PTPRO: variants seen among roughly 807,000 people sequenced by gnomAD.
PTPRO encodes protein tyrosine phosphatase receptor type O.
A neutral mutation model predicts 145.2 loss-of-function variants in PTPRO; 62 were observed. The ratio of observed to expected loss-of-function variants is 0.43; its 90% CI spans 0.35 to 0.53. PTPRO has a LOEUF of 0.53. Among genes scored for constraint, PTPRO ranks in the 20% least tolerant of loss-of-function variants. The pLI is 0.01. For synonymous variants in PTPRO, 565 were observed against 514.7 expected (o/e 1.10, Z -1.32); for missense variants, 1,345 against 1,482.7 (o/e 0.91, Z 1.53).
intron 1 of PTPRO, among the ~76,000 whole-genome samples, chr12:15,391,862 G>C (rs1939197353): frequency 1.3e-5 from 2 of 152,204 alleles, no homozygotes; most frequent in Admixed American, 1.3e-4. Flanking sequence ...AGTGAGATGA[G>C]CCAATTCTAC....
At chr12:15,521,137 A>G in intron 10 of PTPRO, among the ~76,000 whole-genome samples, 1 of 152,202 alleles carries the variant, frequency 6.6e-6, no homozygotes, top group African/African-American at 2.4e-5. Flanking sequence ...TTGTCCTGAG[A>G]AAACAGAGGA....
At chr12:15,492,022 G>T (rs1038390637) in intron 2 of PTPRO, among the ~76,000 whole-genome samples, 1 of 152,098 alleles carries the variant, frequency 6.6e-6, no homozygotes, top group South Asian at 2.1e-4. Context: ...TTACTACCGA[G>T]GTCCAAGGCT....
chr12:15,490,179 G>T (rs1349776499), intron 2 of PTPRO, among the ~76,000 whole-genome samples: 2 of 152,218 alleles, frequency 1.3e-5, no homozygotes, highest in African/African-American at 4.8e-5. Context: ...CATTGGAATA[G>T]AAAAATTATC....
chr12:15,470,175 G>C (rs142204547), intron 1 of PTPRO, among the ~76,000 whole-genome samples: 2 of 152,148 alleles, frequency 1.3e-5, no homozygotes, highest in Non-Finnish European at 2.9e-5. Flanking sequence ...ATTAAGTACA[G>C]ATATGAAAGG....
chr12:15,474,590 T>C (rs1456017138), intron 1 of PTPRO, among the ~76,000 whole-genome samples: 2 of 152,228 alleles, frequency 1.3e-5, no homozygotes, highest in South Asian at 2.1e-4. Flanking sequence ...AATCACTACA[T>C]TAAATTTGTT....
At chr12:15,538,469 C>G (rs182396497) in intron 12 of PTPRO, among the ~76,000 whole-genome samples, 1 of 152,162 alleles carries the variant, frequency 6.6e-6, no homozygotes, top group Non-Finnish European at 1.5e-5. Flanking sequence ...TTGATCTGCC[C>G]GCAAGTGCCT....
At chr12:15,414,727 C>G (rs747785872) in intron 1 of PTPRO, among the ~76,000 whole-genome samples, 1 of 152,150 alleles carries the variant, frequency 6.6e-6, no homozygotes, top group Non-Finnish European at 1.5e-5. Flanking sequence ...GGCCAGAAAC[C>G]TGATCATCTG....
At chr12:15,557,359 G>A in intron 15 of PTPRO, 96 bp from the exon 16 acceptor site, 1 of 1,123,598 alleles carries the variant, frequency 8.9e-7, no homozygotes, top group Non-Finnish European at 1.4e-6. Context: ...ATTTAATGCT[G>A]TGATGATAAG....
intron 13 of PTPRO, among the ~76,000 whole-genome samples, chr12:15,547,449 A>G (rs970449257): frequency 6.6e-6 from 1 of 152,252 alleles, no homozygotes; most frequent in Non-Finnish European, 1.5e-5. Flanking sequence ...TAGTGTGTAG[A>G]CTAATACTGC....
At chr12:15,367,049 A>G (rs1447516750) in intron 1 of PTPRO, among the ~76,000 whole-genome samples, 1 of 152,220 alleles carries the variant, frequency 6.6e-6, no homozygotes, top group East Asian at 1.9e-4. Context: ...AAACAGAAGG[A>G]AGTTATGATC....
chr12:15,360,990 A>G (rs537336839), intron 1 of PTPRO, among the ~76,000 whole-genome samples: 40 of 147,324 alleles, frequency 2.7e-4, no homozygotes, highest in Non-Finnish European at 5.2e-4. Flanking sequence ...ATACACACAC[A>G]TAGTGTGTGT....
chr12:15,438,857 T>C (rs991638415), intron 1 of PTPRO, among the ~76,000 whole-genome samples: 26 of 152,170 alleles, frequency 1.7e-4, no homozygotes, highest in African/African-American at 6.3e-4. Flanking sequence ...ATTCAGAGAA[T>C]ACCTGTGAGA....
At position 15,489,639 on chromosome 12, in the gene PTPRO, A is replaced by T. The variant is rs543250333; in HGVS notation, c.349+5392A>T. Among the ~76,000 whole-genome samples, 4 of 152,246 alleles carry T rather than the reference A, an allele frequency of 2.6e-5. 1 individual carries two copies. Among genetic ancestry groups the T allele is most frequent in the African/African-American group, 7.2e-5 (3 of 41,548 alleles). On this transcript the variant is annotated intron_variant, in intron 2 of 26. Coordinates refer to ENST00000281171, the MANE Select transcript of PTPRO (RefSeq NM_030667.3). Reference sequence around the variant, plus strand: ...ACAACCAGAGGTCAGTCTCATAGCCATCTTGGTTTTGGTGGGGTTTGGCCA... The same window carrying T: ...ACAACCAGAGGTCAGTCTCATAGCCTTCTTGGTTTTGGTGGGGTTTGGCCA...
intron 5 of PTPRO, among the ~76,000 whole-genome samples, chr12:15,502,753 C>T (rs1177340764): frequency 6.6e-6 from 1 of 152,022 alleles, no homozygotes; most frequent in African/African-American, 2.4e-5. Flanking sequence ...GGTCATGATA[C>T]CTATCTCAAT....
intron 18 of PTPRO, among the ~76,000 whole-genome samples, chr12:15,566,672 C>T (rs888442030): frequency 4.6e-5 from 7 of 152,076 alleles, no homozygotes; most frequent in African/African-American, 1.7e-4. Context: ...AGGCACACGC[C>T]ACCATGCCTG....
intron 1 of PTPRO, among the ~76,000 whole-genome samples, chr12:15,419,200 A>C (rs1271383148): frequency 7.9e-6 from 1 of 127,278 alleles, no homozygotes; most frequent in African/African-American, 3.1e-5. Context: ...CTTTTCCTGC[A>C]TTTGTGCCGA....
At chr12:15,560,147 T>C in intron 16 of PTPRO, 46 bp from the exon 17 acceptor site, 2 of 1,402,416 alleles carry the variant, frequency 1.4e-6, no homozygotes, top group Non-Finnish European at 2.0e-6. Flanking sequence ...TTACTAACTC[T>C]TGCAACTTTT....
At chr12:15,435,124 T>A (rs1940559342) in intron 1 of PTPRO, among the ~76,000 whole-genome samples, 1 of 152,196 alleles carries the variant, frequency 6.6e-6, no homozygotes, top group Admixed American at 6.5e-5. Context: ...GTATGAAGCA[T>A]CTCTCATATT....
chr12:15,361,388 G>A (rs1170639689), intron 1 of PTPRO, among the ~76,000 whole-genome samples: 2 of 142,276 alleles, frequency 1.4e-5, no homozygotes, highest in East Asian at 2.1e-4. Context: ...GCAGTGAGCC[G>A]AGATTTCACT....
Sources: gnomAD v4.1 joint callset for allele counts (sites outside exome capture counted in the v4.1 genomes callset) on GRCh38, gnomAD v4.1.1 for gene constraint, MANE v1.5 for transcripts, NCBI Gene and HGNC (gene_info 2026-07-23, HGNC 2026-07-21) for gene names.